Variants in DOK6 observed in about 807,000 individuals in gnomAD.
DOK6 encodes docking protein 6.
A neutral mutation model predicts 44.0 loss-of-function variants in DOK6; 22 were observed. That is an observed-to-expected ratio of 0.50 (90% confidence interval 0.36 to 0.71). The LOEUF (loss-of-function observed/expected upper bound fraction) is 0.71. Among genes scored for constraint, DOK6 ranks in the 30% least tolerant of loss-of-function variants. The probability of loss-of-function intolerance (pLI) is 0.00; values close to 1 mark genes in which losing one functional copy is unlikely to be tolerated. For missense variants in DOK6, 340 were observed against 416.4 expected (o/e 0.82, Z 1.60); for synonymous variants, 166 against 145.5 (o/e 1.14, Z -1.01).
chr18:69,605,701 T>C (rs977486480), intron 3 of DOK6, among the ~76,000 whole-genome samples: 4 of 152,044 alleles, frequency 2.6e-5, no homozygotes, highest in African/African-American at 7.2e-5. Context: ...ACATTCATGA[T>C]AAAAACTATG....
chr18:69,523,176 G>A (rs907025496), intron 1 of DOK6, among the ~76,000 whole-genome samples: 1 of 152,072 alleles, frequency 6.6e-6, no homozygotes, highest in African/African-American at 2.4e-5. Context: ...GATTATCCAG[G>A]AAAGCCATAT....
chr18:69,543,886 C>A (rs553295176), intron 1 of DOK6, among the ~76,000 whole-genome samples: 1 of 151,394 alleles, frequency 6.6e-6, no homozygotes, highest in East Asian at 1.9e-4. Flanking sequence ...AGAAATAATG[C>A]AAGCAAAGAA....
chr18:69,821,458 C>G (rs143308243), intron 7 of DOK6, among the ~76,000 whole-genome samples: 32 of 152,330 alleles, frequency 2.1e-4, no homozygotes, highest in African/African-American at 7.0e-4. Context: ...GAATCATCCT[C>G]TGAATGTTAA....
intron 2 of DOK6, among the ~76,000 whole-genome samples, chr18:69,597,712 A>G (rs537387040): frequency 1.4e-5 from 2 of 144,476 alleles, no homozygotes; most frequent in African/African-American, 4.9e-5. Flanking sequence ...TCGCCTGCTC[A>G]ACCTCAGCTG....
intron 2 of DOK6, among the ~76,000 whole-genome samples, chr18:69,593,843 T>A (rs1246617429): frequency 6.6e-6 from 1 of 152,218 alleles, no homozygotes; most frequent in Non-Finnish European, 1.5e-5. Flanking sequence ...CTAGCTATTA[T>A]ATGTAATGTA....
At chr18:69,746,195 T>G (rs762669785) in intron 6 of DOK6, among the ~76,000 whole-genome samples, 11 of 152,228 alleles carry the variant, frequency 7.2e-5, no homozygotes, top group Non-Finnish European at 1.2e-4. Context: ...TCTGCTGTTA[T>G]TCTCAAACTC....
intron 1 of DOK6, among the ~76,000 whole-genome samples, chr18:69,542,275 G>T (rs1982289464): frequency 6.9e-6 from 1 of 144,520 alleles, no homozygotes; most frequent in African/African-American, 2.4e-5. Context: ...TCGCTTTTCT[G>T]CCTGACCGAC....
rs1365797744 is a variant in DOK6 at position 69,768,904 on chromosome 18, T to C, written c.856+11031T>C. Among the ~76,000 whole-genome samples the C allele has an allele frequency of 3.3e-5, 5 of 149,878 alleles. No individual in the cohort carries two copies. In the Admixed American group the frequency reaches 3.4e-4, roughly 10 times the overall value. On this transcript the variant is annotated intron_variant, in intron 7 of 7. Transcript: ENST00000382713. ...CCCAATATTTTGAAACTCAGGAGCA[T>C]GGTTATATGTTTATATAAGAGGAAT...
At chr18:69,501,712 A>G (rs962786987) in intron 1 of DOK6, among the ~76,000 whole-genome samples, 1 of 152,088 alleles carries the variant, frequency 6.6e-6, no homozygotes, top group African/African-American at 2.4e-5. Context: ...GAACATCATC[A>G]TAAGATTAAA....
chr18:69,401,652 T>C (rs539803963), intron 1 of DOK6, among the ~76,000 whole-genome samples: 1 of 152,080 alleles, frequency 6.6e-6, no homozygotes, highest in African/African-American at 2.4e-5. Context: ...CGATGGTCTG[T>C]TCTCAAAAGT....
chr18:69,640,379 A>G (rs1984910793), intron 3 of DOK6, among the ~76,000 whole-genome samples: 1 of 152,204 alleles, frequency 6.6e-6, no homozygotes, highest in African/African-American at 2.4e-5. Flanking sequence ...GTACAATTGT[A>G]TAAAAAAAGT....
At chr18:69,566,556 C>T (rs948320958) in intron 2 of DOK6, among the ~76,000 whole-genome samples, 1 of 152,202 alleles carries the variant, frequency 6.6e-6, no homozygotes, top group African/African-American at 2.4e-5. Flanking sequence ...TCTAACCCCA[C>T]TATAAGGATT....
chr18:69,706,512 CTCTT>C (rs1986636764), intron 5 of DOK6, among the ~76,000 whole-genome samples: 3 of 151,534 alleles, frequency 2.0e-5, no homozygotes, highest in South Asian at 4.2e-4. Flanking sequence ...AATCAAGAAA[CTCTT>C]TTTTTTTTTA....
chr18:69,812,849 C>A lies in DOK6; in HGVS notation c.857-28395C>A, dbSNP rs149669094. ...TGAGCAAAGTGGGAGGAGACCCTGA[C>A]AAAACCTTCAGATTTCATGAGAACA... On this transcript the variant is annotated intron_variant, in intron 7 of 7. Transcript: ENST00000382713. 1.8e-4 allele frequency among the ~76,000 whole-genome samples: 28 copies of A among 152,156 alleles called. 1 individual carries two copies. Among genetic ancestry groups the A allele is most frequent in the Admixed American group, 7.2e-4 (11 of 15,278 alleles).
chr18:69,680,683 T>C (rs1313954404), intron 4 of DOK6, among the ~76,000 whole-genome samples: 1 of 152,150 alleles, frequency 6.6e-6, no homozygotes, highest in Non-Finnish European at 1.5e-5. Context: ...TTCAACAGGC[T>C]TCCCCCATAC....
At position 69,774,465 on chromosome 18, in the gene DOK6, T is replaced by A. The variant is rs573804834; in HGVS notation, c.856+16592T>A. ...CACAAATCACCACTAAAAAACTTAC[T>A]CATGTAACCAAACACTCATTCCCCA... On this transcript the variant is annotated intron_variant, in intron 7 of 7. Transcript: ENST00000382713. Among the ~76,000 whole-genome samples the A allele has an allele frequency of 2.6e-5, 4 of 151,916 alleles. No individual in the cohort carries two copies. In the South Asian group the frequency reaches 8.3e-4, roughly 32 times the overall value.
intron 7 of DOK6, among the ~76,000 whole-genome samples, chr18:69,763,319 AT>A (rs1192710365): frequency 6.6e-6 from 1 of 152,144 alleles, no homozygotes; most frequent in African/African-American, 2.4e-5. Context: ...AGGATAGTTG[AT>A]TTGTATTTGA....
chr18:69,627,168 A>G (rs941366536), intron 3 of DOK6, among the ~76,000 whole-genome samples: 1 of 152,220 alleles, frequency 6.6e-6, no homozygotes, highest in African/African-American at 2.4e-5. Context: ...ACAACATTTT[A>G]GAAAAACAGC....
chr18:69,636,711 G>A (rs762684120), intron 3 of DOK6, among the ~76,000 whole-genome samples: 2 of 152,148 alleles, frequency 1.3e-5, no homozygotes, highest in Non-Finnish European at 2.9e-5. Flanking sequence ...TGCAGTTACT[G>A]TATCACTCCT....
Sources: gnomAD v4.1 joint callset for allele counts (sites outside exome capture counted in the v4.1 genomes callset) on GRCh38, gnomAD v4.1.1 for gene constraint, MANE v1.5 for transcripts, NCBI Gene and HGNC (gene_info 2026-07-23, HGNC 2026-07-21) for gene names.